Variants in TRIM9 observed in about 807,000 individuals in gnomAD.
The protein encoded by TRIM9 is E3 ubiquitin-protein ligase TRIM9.
Under a neutral mutation model 78.3 loss-of-function variants are expected in TRIM9, and 26 were observed. The ratio of observed to expected loss-of-function variants is 0.33; its 90% CI spans 0.24 to 0.46. The LOEUF (loss-of-function observed/expected upper bound fraction) is 0.46, where lower values mean the gene tolerates loss of function less well. Among genes scored for constraint, TRIM9 ranks in the 20% least tolerant of loss-of-function variants. The pLI is 1.00. For missense variants in TRIM9, 787 were observed against 1,036.4 expected (o/e 0.76, Z 3.30); for synonymous variants, 398 against 416.5 (o/e 0.96, Z 0.54).
intron 7 of TRIM9, chr14:50,996,330 T>C: frequency 1.0e-6 from 1 of 985,398 alleles, no homozygotes; most frequent in Non-Finnish European, 1.2e-6. Flanking sequence ...GCAGTTCCAA[T>C]CCTGTAATTT....
rs1303909698 is a variant in TRIM9, at chr14:50,990,201, A to G, written c.1604-4057T>C. Among the ~76,000 whole-genome samples the G allele has an allele frequency of 2.6e-5, 4 of 152,092 alleles. No individual in the cohort carries two copies. In the East Asian group the frequency reaches 7.7e-4, roughly 29 times the overall value. On this transcript the variant is annotated intron_variant, in intron 7 of 12. Transcript: ENST00000684578. Reference sequence around the variant, plus strand: ...CCTGGCCAATTTTAATTTTTTCTGTAGAGACAAGGTCTTTTTATGTTGCCC... The same window carrying G: ...CCTGGCCAATTTTAATTTTTTCTGTGGAGACAAGGTCTTTTTATGTTGCCC...
At chr14:50,982,707 T>C (rs1020300211) in intron 10 of TRIM9, 9 of 502,016 alleles carry the variant, frequency 1.8e-5, no homozygotes, top group Non-Finnish European at 3.2e-5. Flanking sequence ...AAAAACACAG[T>C]TTGCGTGCTA....
intron 1 of TRIM9, among the ~76,000 whole-genome samples, chr14:51,058,378 C>T (rs1180438708): frequency 6.6e-6 from 1 of 152,192 alleles, no homozygotes. Flanking sequence ...GGTTGGGAAG[C>T]CTAAATGAGA....
intron 1 of TRIM9, among the ~76,000 whole-genome samples, chr14:51,059,627 ATC>A (rs1202961800): frequency 6.6e-6 from 1 of 151,978 alleles, no homozygotes; most frequent in Non-Finnish European, 1.5e-5. Context: ...GTGAAACCCC[ATC>A]TCTACTAAAA....
intron 1 of TRIM9, among the ~76,000 whole-genome samples, chr14:51,077,087 C>T (rs2062848796): frequency 1.3e-5 from 2 of 152,172 alleles, no homozygotes; most frequent in Non-Finnish European, 2.9e-5. Flanking sequence ...TCCTGTTTCT[C>T]CTAGTTTATT....
chr14:50,995,018 T>G (rs2054017265), intron 7 of TRIM9, among the ~76,000 whole-genome samples: 1 of 152,100 alleles, frequency 6.6e-6, no homozygotes, highest in African/African-American at 2.4e-5. Flanking sequence ...CCTTTCCTTT[T>G]CTCTGTCTCT....
chr14:51,049,871 T>C (rs943061147), intron 1 of TRIM9, among the ~76,000 whole-genome samples: 1 of 151,964 alleles, frequency 6.6e-6, no homozygotes, highest in Non-Finnish European at 1.5e-5. Context: ...TATTATTATT[T>C]ACAATAATCT....
At chr14:51,082,753 T>G (rs927649517) in intron 1 of TRIM9, among the ~76,000 whole-genome samples, 1 of 152,218 alleles carries the variant, frequency 6.6e-6, no homozygotes, top group Non-Finnish European at 1.5e-5. Context: ...AGGTAAATTT[T>G]ATGGTATGTG....
intron 7 of TRIM9, among the ~76,000 whole-genome samples, chr14:50,988,529 T>G (rs2053027174): frequency 6.6e-6 from 1 of 151,954 alleles, no homozygotes; most frequent in South Asian, 2.1e-4. Flanking sequence ...CTCCTTTCAC[T>G]CTAATCAGGC....
At chr14:51,074,146 C>T (rs1038869177) in intron 1 of TRIM9, among the ~76,000 whole-genome samples, 2 of 151,936 alleles carry the variant, frequency 1.3e-5, no homozygotes, top group African/African-American at 2.4e-5. Context: ...TAGCTGGGTG[C>T]GGTGGCTCAC....
At chr14:51,032,017 T>A (rs2058771484) in intron 1 of TRIM9, among the ~76,000 whole-genome samples, 1 of 152,242 alleles carries the variant, frequency 6.6e-6, no homozygotes, top group South Asian at 2.1e-4. Context: ...CCCTTTCCCA[T>A]TCTTTGTTGT....
chr14:51,080,321 A>G (rs1168002546), intron 1 of TRIM9, among the ~76,000 whole-genome samples: 1 of 152,090 alleles, frequency 6.6e-6, no homozygotes, highest in East Asian at 1.9e-4. Flanking sequence ...AACAATGTTA[A>G]TGTAAACTTT....
intron 6 of TRIM9, 48 bp from the exon 7 acceptor site, chr14:50,998,236 A>AG: frequency 1.3e-6 from 2 of 1,578,186 alleles, no homozygotes; most frequent in Non-Finnish European, 1.7e-6. Context: ...CCCCCTTCTG[A>AG]GGGGCGAGGG....
In TRIM9 at chr14:50,985,946, C is replaced by T. The variant is rs1357330560; in HGVS notation, c.1792+10G>A. On this transcript the variant is annotated intron_variant, in intron 8 of 12. Transcript: ENST00000684578. ...AGATCAAGGGGAAAGGTCTGAGGAGCTCAGCTCACCCGGTGCATTGAGAGA... is the reference window on the plus strand; with the variant it reads ...AGATCAAGGGGAAAGGTCTGAGGAGTTCAGCTCACCCGGTGCATTGAGAGA... 1.3e-6 allele frequency: 2 copies of T among 1,516,414 alleles called. No homozygotes were observed. Among genetic ancestry groups the T allele is most frequent in the African/African-American group, 1.4e-5 (1 of 72,102 alleles). 93.9% of individuals were successfully genotyped at this position (1,516,414 alleles called of 1,614,324 possible). A position where few individuals can be genotyped will look rare whatever the true frequency, so the allele number is the denominator to read the frequency against.
chr14:50,989,052 A>C (rs971463289), intron 7 of TRIM9, among the ~76,000 whole-genome samples: 4 of 152,206 alleles, frequency 2.6e-5, no homozygotes, highest in Admixed American at 2.6e-4. Flanking sequence ...CTGGGGCCAC[A>C]TGGAACAGAT....
intron 7 of TRIM9, among the ~76,000 whole-genome samples, chr14:50,988,822 G>A (rs2053094409): frequency 6.6e-6 from 1 of 152,148 alleles, no homozygotes; most frequent in African/African-American, 2.4e-5. Context: ...TCAGCTGCCT[G>A]TAAGTCATCT....
chr14:51,081,312 C>G (rs1337485426), intron 1 of TRIM9, among the ~76,000 whole-genome samples: 2 of 152,166 alleles, frequency 1.3e-5, no homozygotes, highest in Admixed American at 1.3e-4. Flanking sequence ...CTCACATCCA[C>G]TAGAAAGACT....
Position 51,094,680 on chromosome 14 carries a change from G to T in TRIM9, c.260C>A (p.Ala87Asp). ...GGACTTCTGGCACGGGGTAGTGGGGGCGCTGGCGAACCCCCCGTAGGAGCC... is the reference window on the plus strand; with the variant it reads ...GGACTTCTGGCACGGGGTAGTGGGGTCGCTGGCGAACCCCCCGTAGGAGCC... ...GYGSYGGFAS[A>D]PTTPCQKSPN... Residue 87 changes from alanine (A) to aspartate (D), a missense_variant, in exon 1 of 13, where the codon GCC (alanine) becomes GAC (aspartate). By Grantham distance (126) the Ala-to-Asp change is moderately radical. Transcript: ENST00000684578. The T allele has an allele frequency of 6.3e-7, 1 of 1,579,168 alleles. No homozygotes were observed.
At position 50,977,321 on chromosome 14, in the gene TRIM9, G is replaced by T. The variant is rs755090870; in HGVS notation, c.2358C>A (p.Asp786Glu). ...CTATTGATGCTCTGCTGGAGTAGAA[G>T]TCGGGGACTGGGAGCCCGGTGTGCA... is the stretch of plus-strand genomic sequence containing the variant. Reference protein sequence around the residue: ...VTLHTGLPVPDFYSSRASIA With the variant: ...VTLHTGLPVPEFYSSRASIA Residue 786 changes from aspartate to glutamate, a missense_variant, in exon 13 of 13, where the codon GAC becomes GAA. Transcript: ENST00000684578. 8.4e-6 allele frequency: 13 copies of T among 1,549,510 alleles called. No homozygotes were observed. In the South Asian group the frequency reaches 1.1e-4, roughly 13 times the overall value.
Sources: gnomAD v4.1 joint callset for allele counts (sites outside exome capture counted in the v4.1 genomes callset) on GRCh38, gnomAD v4.1.1 for gene constraint, MANE v1.5 for transcripts, NCBI Gene and HGNC (gene_info 2026-07-23, HGNC 2026-07-21) for gene names.